The following MRGBP variants were observed in gnomAD, a reference collection of about 807,000 sequenced individuals.
The protein encoded by MRGBP is MRG domain binding protein.
In MRGBP, 5 loss-of-function variants were observed where a neutral mutation model predicts 21.5. The observed-to-expected ratio is 0.23, with a 90% CI of 0.12 to 0.49. MRGBP has a LOEUF of 0.49. Ranked by LOEUF, MRGBP falls within the 20% of genes least tolerant of loss-of-function variation. The probability of loss-of-function intolerance (pLI) is 0.98; values close to 1 mark genes in which losing one functional copy is unlikely to be tolerated. For synonymous variants in MRGBP, 118 were observed against 104.4 expected (o/e 1.13, Z -0.79); for missense variants, 227 against 277.4 (o/e 0.82, Z 1.29).
At position 62,800,724 on chromosome 20, in the gene MRGBP, A is replaced by G. The variant is rs563317275; in HGVS notation, c.*1081A>G. 6.6e-6 allele frequency: 1 copy of G among 152,370 alleles called. No individual in the cohort carries two copies. The highest frequency in any genetic ancestry group is 2.4e-5 in the African/African-American group (1 of 41,586). The allele number at this position is 152,370 out of a possible 1,614,324, so 9.4% of individuals were successfully genotyped here. A position where few individuals can be genotyped will look rare whatever the true frequency, so the allele number is the denominator to read the frequency against. The stretch of plus-strand genomic sequence containing the variant: ...TTAACATTCACTTGATACAACATAT[A>G]AACAAAATAGTAACAGATTCTGAGT... On this transcript the variant is annotated 3_prime_UTR_variant, in exon 5 of 5. Transcript: ENST00000370487.
chr20:62,796,686 T>C lies in MRGBP; in HGVS notation c.148+15T>C, dbSNP rs772506922. 17 of 1,281,794 alleles carry C rather than the reference T, an allele frequency of 1.3e-5. No homozygotes were observed. The highest frequency in any genetic ancestry group is 1.6e-5 in the African/African-American group (1 of 62,480). 79.4% of individuals were successfully genotyped at this position (1,281,794 alleles called of 1,614,324 possible). A position where few individuals can be genotyped will look rare whatever the true frequency, so the allele number is the denominator to read the frequency against. On this transcript the variant is annotated intron_variant, in intron 1 of 4. Coordinates refer to ENST00000370487, the MANE Select transcript of MRGBP (RefSeq NM_018270.6). ...CAAGCCCGTCGGTGAGCGCCCAGGCTGCGGACGCGCGTGGGGGCGGGGCGG... is the reference window on the plus strand; with the variant it reads ...CAAGCCCGTCGGTGAGCGCCCAGGCCGCGGACGCGCGTGGGGGCGGGGCGG...
rs1990413527 is a variant in MRGBP, at chr20:62,799,623, G to A, written c.595G>A (p.Ala199Thr). 3 of 1,612,554 alleles carry A rather than the reference G, an allele frequency of 1.9e-6. No individual in the cohort carries two copies. Among genetic ancestry groups the A allele is most frequent in the East Asian group, 4.5e-5 (2 of 44,860 alleles). The change falls in exon 5 of 5, where the codon GCC (alanine) becomes ACC (threonine). Residue 199 changes from alanine (A) to threonine (T), a missense_variant. Physicochemically the swap from Ala to Thr is moderately conservative, Grantham distance 58. Around this residue, in one of 2 missense-constraint regions of MRGBP, gnomAD observed 162 missense variants for 227.7 expected, o/e 0.71. Transcript: ENST00000370487. ...CAGCAACCCTTCCAGTCCCAGTGCT[G>A]CCAAGCGGCGCCGCACGTAGACCCT... Reference protein sequence around the residue: ...ANSNPSSPSAAKRRRT With the variant: ...ANSNPSSPSATKRRRT
At position 62,799,691 on chromosome 20, in the gene MRGBP, G is replaced by A. The variant is rs370543250; in HGVS notation, c.*48G>A. On this transcript the variant is annotated 3_prime_UTR_variant, in exon 5 of 5. Coordinates refer to ENST00000370487, the MANE Select transcript of MRGBP (RefSeq NM_018270.6). ...GAGAAGCGGGCGAGGCACTGTGGTC[G>A]CTGAGGGGGTTGGCTGGGTCTGAGT... The A allele has an allele frequency of 1.0e-5, 16 of 1,567,198 alleles. No homozygotes were observed. The highest frequency in any genetic ancestry group is 2.2e-4 in the Middle Eastern group (1 of 4,454).
At chr20:62,797,291 C>CT (rs1568731065) in intron 2 of MRGBP, 60 bp downstream of exon 2, 5 of 1,490,062 alleles carry the variant, frequency 3.4e-6, no homozygotes, top group African/African-American at 1.4e-5. Context: ...ACACCGCTCT[C>CT]TGAGAGTCAG....
Position 62,800,794 on chromosome 20 carries a change from A to G in MRGBP, c.*1151A>G, listed in dbSNP as rs1173284370. 6.6e-6 allele frequency: 1 copy of G among 152,264 alleles called. No homozygotes were observed. Among genetic ancestry groups the G allele is most frequent in the Non-Finnish European group, 1.5e-5 (1 of 68,046 alleles). The allele number at this position is 152,264 out of a possible 1,614,324, so 9.4% of individuals were successfully genotyped here. Reference sequence around the variant, plus strand: ...ACAAGCACTTCAAATACAAAATGTTAGGAGGGCAAAACGGTGCGGGCCCTC... The same window carrying G: ...ACAAGCACTTCAAATACAAAATGTTGGGAGGGCAAAACGGTGCGGGCCCTC... On this transcript the variant is annotated 3_prime_UTR_variant, in exon 5 of 5. Transcript: ENST00000370487.
chr20:62,799,423 CT>C (rs1990407323), intron 4 of MRGBP, 32 bp from the exon 5 acceptor site: 1 of 1,593,618 alleles, frequency 6.3e-7, no homozygotes. Context: ...TCTGGATATT[CT>C]GTTTTCAGCC....
rs371989322 is a variant in MRGBP, at chr20:62,798,589, T to C, written c.273T>C (p.His91=). ...CAAAACTCTCTATTTGATATCAGCA[T>C]GAGTCTGAGATTCTTCCATTCCCGA... ...LSTMYDMQAL[H]ESEILPFPNP... Residue 91 remains histidine, a splice_region_variant and synonymous_variant, in exon 3 of 5, where the codon CAT becomes CAC. Transcript: ENST00000370487. 3 of 1,612,540 alleles carry C rather than the reference T, an allele frequency of 1.9e-6. No individual in the cohort carries two copies. The highest frequency in any genetic ancestry group is 2.5e-6 in the Non-Finnish European group (3 of 1,178,928).
intron 3 of MRGBP, 61 bp downstream of exon 3, chr20:62,798,729 G>A (rs1990390274): frequency 1.2e-6 from 2 of 1,600,690 alleles, no homozygotes; most frequent in African/African-American, 1.3e-5. Context: ...GCCAAGGGCA[G>A]GGAGGTGAGG....
At position 62,797,247 on chromosome 20, in the gene MRGBP, C is replaced by CT. The variant is rs1375770643; in HGVS notation, c.270+17dup. The CT allele has an allele frequency of 6.5e-7, 1 of 1,549,786 alleles. No homozygotes were observed. Among genetic ancestry groups the CT allele is most frequent in the African/African-American group, 1.4e-5 (1 of 72,452 alleles). On this transcript the variant is annotated intron_variant, in intron 2 of 4. Transcript: ENST00000370487. ...GCAGGCGCTGGTGAGCCCAACCGCC[C>CT]TCCCTGTGCCGCCCGATGGGGGCAC...
In MRGBP at chr20:62,798,808, G is replaced by T; in HGVS notation, c.352+140G>T. The T allele has an allele frequency of 2.5e-6, 4 of 1,573,386 alleles. No homozygotes were observed. In the South Asian group the frequency reaches 4.7e-5, roughly 18 times the overall value. ...GACCCCGCCCTACCTGTGCTTGGGTGGTCTTGGAACCTCCGGGATTGGAGA... is the reference window on the plus strand; with the variant it reads ...GACCCCGCCCTACCTGTGCTTGGGTTGTCTTGGAACCTCCGGGATTGGAGA... On this transcript the variant is annotated intron_variant, in intron 3 of 4. Coordinates refer to ENST00000370487, the MANE Select transcript of MRGBP (RefSeq NM_018270.6).
In MRGBP at chr20:62,799,965, G is replaced by T; in HGVS notation, c.*322G>T. 1 of 274,028 alleles carries T rather than the reference G, an allele frequency of 3.6e-6. No individual in the cohort carries two copies. Among genetic ancestry groups the T allele is most frequent in the Non-Finnish European group, 6.9e-6 (1 of 145,332 alleles). The allele number at this position is 274,028 out of a possible 1,614,324, so 17.0% of individuals were successfully genotyped here. A position where few individuals can be genotyped will look rare whatever the true frequency, so the allele number is the denominator to read the frequency against. On this transcript the variant is annotated 3_prime_UTR_variant, in exon 5 of 5. Transcript: ENST00000370487. ...GCTTGGTGACATGGATTAGCGCTACGTGGGCTGCAGCATTTGGGATCCAGG... is the reference window on the plus strand; with the variant it reads ...GCTTGGTGACATGGATTAGCGCTACTTGGGCTGCAGCATTTGGGATCCAGG...
Position 62,798,750 on chromosome 20 carries a change from C to G in MRGBP, c.352+82C>G, listed in dbSNP as rs567868558. On this transcript the variant is annotated intron_variant, in intron 3 of 4. Coordinates refer to ENST00000370487, the MANE Select transcript of MRGBP (RefSeq NM_018270.6). The stretch of plus-strand genomic sequence containing the variant: ...GGCAGGGAGGTGAGGGTGAGGACCC[C>G]GGGCCTCCAGGGAGGTGTGAGGGTC... The G allele has an allele frequency of 8.2e-6, 13 of 1,588,998 alleles. No homozygotes were observed. In the African/African-American group the frequency reaches 1.7e-4, roughly 21 times the overall value.
chr20:62,798,030 C>T (rs1399064941), intron 2 of MRGBP, among the ~76,000 whole-genome samples: 5 of 152,150 alleles, frequency 3.3e-5, no homozygotes, highest in Admixed American at 2.0e-4. Context: ...TAGGTCTCTC[C>T]CTCTGGTCTG....
Position 62,796,565 on chromosome 20 carries a change from C to G in MRGBP, c.42C>G (p.Asp14Glu). The change falls in exon 1 of 5, where the codon GAC (aspartate) becomes GAG (glutamate). Residue 14 changes from aspartate (D) to glutamate (E), a missense_variant. Physicochemically the swap from Asp to Glu is conservative, Grantham distance 45 (BLOSUM62 2). Coordinates refer to ENST00000370487, the MANE Select transcript of MRGBP (RefSeq NM_018270.6). ...AEVGGGGAAGDKGPGEAATSP... is the reference protein window; with the variant it reads ...AEVGGGGAAGEKGPGEAATSP... ...TGGGCGGCGGGGGCGCCGCAGGCGA[C>G]AAGGGCCCGGGGGAGGCGGCCACCA... 1 of 1,230,858 alleles carries G rather than the reference C, an allele frequency of 8.1e-7. No individual in the cohort carries two copies. The allele number at this position is 1,230,858 out of a possible 1,614,324, so 76.2% of individuals were successfully genotyped here.
chr20:62,796,606 C>A lies in MRGBP; in HGVS notation c.83C>A (p.Thr28Lys). The A allele has an allele frequency of 7.7e-7, 1 of 1,307,088 alleles. No individual in the cohort carries two copies. The highest frequency in any genetic ancestry group is 9.8e-7 in the Non-Finnish European group (1 of 1,024,910). The allele number at this position is 1,307,088 out of a possible 1,614,324, so 81.0% of individuals were successfully genotyped here. ...GEAATSPAEE[T>K]VVWSPEVEVC... ...GCGGCCACCAGCCCGGCGGAGGAGA[C>A]AGTGGTGTGGAGCCCCGAGGTGGAG... Residue 28 changes from threonine to lysine, a missense_variant, in exon 1 of 5, where the codon ACA becomes AAA. Thr to Lys is a moderately conservative substitution (Grantham distance 78, BLOSUM62 -1). Around this residue, in one of 2 missense-constraint regions of MRGBP, gnomAD observed 65 missense variants for 49.7 expected, o/e 1.31. Coordinates refer to ENST00000370487, the MANE Select transcript of MRGBP (RefSeq NM_018270.6).
Position 62,799,799 on chromosome 20 carries a change from G to A in MRGBP, c.*156G>A, listed in dbSNP as rs561187774. The A allele has an allele frequency of 2.0e-5, 16 of 780,872 alleles. No homozygotes were observed. The highest frequency in any genetic ancestry group is 8.9e-5 in the Admixed American group (3 of 33,586). The allele number at this position is 780,872 out of a possible 1,614,324, so 48.4% of individuals were successfully genotyped here. ...CTCAGGCTCTCAGGTGAACGTGGCC[G>A]TCAGCGGGGAAACGTGTGTGTCAGT... On this transcript the variant is annotated 3_prime_UTR_variant, in exon 5 of 5. Coordinates refer to ENST00000370487, the MANE Select transcript of MRGBP (RefSeq NM_018270.6).
At chr20:62,799,342 A>G (rs1990404851) in intron 4 of MRGBP, 114 bp from the exon 5 acceptor site, 7 of 1,184,316 alleles carry the variant, frequency 5.9e-6, no homozygotes, top group Non-Finnish European at 7.1e-6. Context: ...CTCAGGAGGA[A>G]GCTTTGGGTT....
Position 62,797,096 on chromosome 20 carries a change from C to G in MRGBP, c.149-14C>G. ...ACCGCTCACCGGTTATCCCGCCGCC[C>G]CTCCTCCCCTCAGGTGTGAACCGAC... On this transcript the variant is annotated splice_polypyrimidine_tract_variant and intron_variant, in intron 1 of 4. Transcript: ENST00000370487. 2 of 1,588,882 alleles carry G rather than the reference C, an allele frequency of 1.3e-6. No homozygotes were observed. The highest frequency in any genetic ancestry group is 4.6e-5 in the East Asian group (2 of 43,048).
intron 4 of MRGBP, 65 bp downstream of exon 4, chr20:62,799,114 G>GTA: frequency 6.6e-7 from 1 of 1,519,614 alleles, no homozygotes; most frequent in Admixed American, 2.0e-5. Flanking sequence ...CTGCCTTCAG[G>GTA]CAGGGCACAG....
Sources: allele counts gnomAD v4.1 joint callset (sites outside exome capture counted in the v4.1 genomes callset), GRCh38; gene constraint gnomAD v4.1.1; regional missense constraint gnomAD v4.1.1; transcripts MANE v1.5; gene names NCBI Gene and HGNC (gene_info 2026-07-23, HGNC 2026-07-21).